Variants in SIRT4 observed in about 807,000 individuals in gnomAD.
SIRT4 encodes the protein NAD-dependent protein lipoamidase sirtuin-4, mitochondrial.
Under a neutral mutation model 26.1 loss-of-function variants are expected in SIRT4, and 23 were observed. That is an observed-to-expected ratio of 0.88 (90% CI 0.63 to 1.25). The LOEUF is 1.25. SIRT4 is among the 50% of genes most tolerant of loss of function. SIRT4 has a pLI of 0.00. For missense variants in SIRT4, 361 were observed against 405.4 expected (o/e 0.89, Z 0.94); for synonymous variants, 155 against 158.4 (o/e 0.98, Z 0.16).
At chr12:120,301,083 A>T (rs1042318631), upstream of SIRT4, among the ~76,000 whole-genome samples, 19 of 152,230 alleles carry the variant, frequency 1.2e-4, no homozygotes, top group Non-Finnish European at 2.5e-4. Context: ...ACAGTGGCTT[A>T]CGCCTGTAAT....
chr12:120,296,662 C>T, the SIRT4 span, among the ~76,000 whole-genome samples: 3 of 151,648 alleles, frequency 2.0e-5, no homozygotes, highest in Non-Finnish European at 4.4e-5. Context: ...CACACACCAC[C>T]ATGCCCAGCT....
At chr12:120,297,535 AAAAG>A (rs143033841), upstream of SIRT4, among the ~76,000 whole-genome samples, 1,862 of 151,742 alleles carry the variant, frequency 0.012, 23 homozygotes, top group African/African-American at 0.035. Flanking sequence ...CAAAAATTAA[AAAAG>A]AAAGAAAGAA....
the SIRT4 span, among the ~76,000 whole-genome samples, chr12:120,296,257 G>T: frequency 2.9e-4 from 43 of 149,668 alleles, no homozygotes; most frequent in Non-Finnish European, 5.9e-4. Flanking sequence ...TCGCTCTGTC[G>T]CCCAGGCTGG....
the SIRT4 span, chr12:120,293,001 A>G: frequency 6.6e-5 from 10 of 152,118 alleles, no homozygotes; most frequent in Admixed American, 5.2e-4. Flanking sequence ...TCTCTCATTT[A>G]GAGAGTTTGC....
At chr12:120,294,004 A>ATTTTTTTTT in the SIRT4 span, among the ~76,000 whole-genome samples, 1 of 22,700 alleles carries the variant, frequency 4.4e-5, no homozygotes, top group Non-Finnish European at 7.9e-5. Context: ...ATGAGATGTT[A>ATTTTTTTTT]TCTTTTTTTT....
intron 2 of SIRT4, among the ~76,000 whole-genome samples, chr12:120,305,481 G>A (rs544765524): frequency 4.9e-4 from 75 of 152,078 alleles, no homozygotes; most frequent in Non-Finnish European, 9.3e-4. Context: ...GGCTGGTCTC[G>A]AACTCCTGGG....
the SIRT4 span, among the ~76,000 whole-genome samples, chr12:120,296,599 C>T: frequency 3.4e-4 from 51 of 149,548 alleles, no homozygotes; most frequent in African/African-American, 1.2e-3. Context: ...CCTAAATCTC[C>T]TGGGCTCAAG....
intron 2 of SIRT4, among the ~76,000 whole-genome samples, chr12:120,304,836 T>TATATATATATA (rs1491279066): frequency 4.1e-3 from 26 of 6,342 alleles, no homozygotes; most frequent in South Asian, 0.012. Flanking sequence ...TATATATATA[T>TATATATATATA]TTTTTTTTTT....
the SIRT4 span, chr12:120,291,831 A>G: frequency 6.6e-6 from 1 of 152,136 alleles, no homozygotes; most frequent in Non-Finnish European, 1.5e-5. Context: ...GGGTATTGGG[A>G]AAAGTTTTCA....
upstream of SIRT4, among the ~76,000 whole-genome samples, chr12:120,299,429 G>A (rs896317841): frequency 6.6e-6 from 1 of 151,400 alleles, no homozygotes; most frequent in African/African-American, 2.4e-5. Context: ...GCGAGCGCCT[G>A]TAATCCTAGC....
At chr12:120,295,549 ACCGCG>A in the SIRT4 span, among the ~76,000 whole-genome samples, 5 of 150,350 alleles carry the variant, frequency 3.3e-5, no homozygotes, top group African/African-American at 1.2e-4. Flanking sequence ...GGTGTGAGCC[ACCGCG>A]CCTGGCCCCT....
chr12:120,312,376 A>C, intron 2 of SIRT4, 80 bp from the exon 3 acceptor site: 1 of 1,346,644 alleles, frequency 7.4e-7, no homozygotes, highest in Non-Finnish European at 1.0e-6. Context: ...AGGGCTGAAA[A>C]TGGTTGGAGA....
intron 2 of SIRT4, 144 bp from the exon 3 acceptor site, chr12:120,312,312 G>C: frequency 1.2e-6 from 1 of 804,624 alleles, no homozygotes; most frequent in Non-Finnish European, 2.0e-6. Context: ...AAAATAGAAA[G>C]TATGGCTAAA....
upstream of SIRT4, among the ~76,000 whole-genome samples, chr12:120,297,578 A>G (rs1179065647): frequency 6.6e-6 from 1 of 152,064 alleles, no homozygotes; most frequent in Non-Finnish European, 1.5e-5. Flanking sequence ...AAAACAAAAA[A>G]GACTTGGATG....
rs112309656 is a variant in SIRT4, at chr12:120,304,076, G to A, written c.497+18G>A. Reference sequence around the variant, plus strand: ...ATGGACAGGTGCAGGAGCTGTACACGGTTTGAACGCAAACCCGTGTGTTGT... The same window carrying A: ...ATGGACAGGTGCAGGAGCTGTACACAGTTTGAACGCAAACCCGTGTGTTGT... On this transcript the variant is annotated intron_variant, in intron 2 of 3. Coordinates refer to ENST00000202967, the MANE Select transcript of SIRT4 (RefSeq NM_012240.3). 42 of 1,600,650 alleles carry A rather than the reference G, an allele frequency of 2.6e-5. No homozygotes were observed. Among genetic ancestry groups the A allele is most frequent in the African/African-American group, 1.3e-4 (10 of 75,024 alleles).
rs749608900 is a variant in SIRT4, at chr12:120,303,550, T to C, written c.-1-11T>C. 8.3e-6 allele frequency: 13 copies of C among 1,567,112 alleles called. No homozygotes were observed. The highest frequency in any genetic ancestry group is 1.1e-5 in the Non-Finnish European group (13 of 1,162,564). The stretch of plus-strand genomic sequence containing the variant: ...ACCCCAGTTTCTCACATGAGGCTTC[T>C]TTTTCTCTAGAATGAAGATGAGCTT... On this transcript the variant is annotated splice_polypyrimidine_tract_variant and intron_variant, in intron 1 of 3. Transcript: ENST00000202967.
chr12:120,313,025 G>C lies in SIRT4; in HGVS notation c.934G>C (p.Asp312His). ...TTGTGGAGAGTTGCTGCCTTTGATAGACCCATGCTGACCACAGCCTGATAT... is the reference window on the plus strand; with the variant it reads ...TTGTGGAGAGTTGCTGCCTTTGATACACCCATGCTGACCACAGCCTGATAT... ...SRCGELLPLI[D>H]PC Residue 312 changes from aspartate (D) to histidine (H), a missense_variant, in exon 4 of 4, where the codon GAC (aspartate) becomes CAC (histidine). Coordinates refer to ENST00000202967, the MANE Select transcript of SIRT4 (RefSeq NM_012240.3). 6.2e-7 allele frequency: 1 copy of C among 1,614,098 alleles called. No homozygotes were observed. Among genetic ancestry groups the C allele is most frequent in the Non-Finnish European group, 8.5e-7 (1 of 1,180,032 alleles).
the SIRT4 span, chr12:120,293,200 A>T: frequency 6.6e-6 from 1 of 152,302 alleles, no homozygotes; most frequent in Admixed American, 6.5e-5. Flanking sequence ...CGCCTCGGAT[A>T]GACCTCATTG....
chr12:120,292,411 G>GA, the SIRT4 span, among the ~76,000 whole-genome samples: 1 of 152,082 alleles, frequency 6.6e-6, no homozygotes, highest in Non-Finnish European at 1.5e-5. Flanking sequence ...GACCAGCCTG[G>GA]ACAAGATGGT....
Sources: allele counts gnomAD v4.1 joint callset (sites outside exome capture counted in the v4.1 genomes callset), GRCh38; gene constraint gnomAD v4.1.1; transcripts MANE v1.5; gene names NCBI Gene and HGNC (gene_info 2026-07-23, HGNC 2026-07-21).